TBCK: variants seen among roughly 807,000 people sequenced by gnomAD.
TBCK encodes TBC domain-containing protein kinase-like protein.
TBCK carries 99 observed loss-of-function variants against 113.4 expected under a neutral mutation model. The ratio of observed to expected loss-of-function variants is 0.87; its 90% CI spans 0.74 to 1.03. TBCK has a LOEUF of 1.03. TBCK is among the 50% of genes least tolerant of loss of function. TBCK has a pLI of 0.00. For synonymous variants in TBCK, 369 were observed against 370.8 expected, an observed-to-expected ratio of 1.00 and a Z score of 0.05; for missense variants, 1,045 against 1,061.3, an observed-to-expected ratio of 0.98 and a Z score of 0.21.
chr4:106,077,702 C>T (rs1361970208), intron 25 of TBCK, among the ~76,000 whole-genome samples: 3 of 152,072 alleles, frequency 2.0e-5, no homozygotes, highest in Admixed American at 6.6e-5. Flanking sequence ...GACAAACACA[C>T]GATAACAATG....
At chr4:106,050,329 A>G (rs1023038971) in intron 25 of TBCK, among the ~76,000 whole-genome samples, 4 of 152,024 alleles carry the variant, frequency 2.6e-5, no homozygotes, top group Non-Finnish European at 5.9e-5. Context: ...TGAACAATGC[A>G]ATTAACAAAT....
At chr4:106,100,625 A>T (rs545863659) in intron 24 of TBCK, among the ~76,000 whole-genome samples, 1 of 152,346 alleles carries the variant, frequency 6.6e-6, no homozygotes, top group South Asian at 2.1e-4. Context: ...CTGCAAGATT[A>T]TCTCTACCCT....
At chr4:106,245,405 G>C (rs1484381950) in intron 10 of TBCK, among the ~76,000 whole-genome samples, 2 of 152,160 alleles carry the variant, frequency 1.3e-5, no homozygotes, top group Non-Finnish European at 2.9e-5. Context: ...AACTGACCTG[G>C]AGAGGGGAAA....
chr4:106,176,984 G>T, intron 22 of TBCK, among the ~76,000 whole-genome samples: 1 of 149,410 alleles, frequency 6.7e-6, no homozygotes, highest in African/African-American at 2.5e-5. Flanking sequence ...TAAATACAGG[G>T]TCTCACTAAG....
intron 19 of TBCK, among the ~76,000 whole-genome samples, chr4:106,220,206 G>A (rs368712117): frequency 2.3e-4 from 35 of 152,252 alleles, no homozygotes; most frequent in African/African-American, 7.7e-4. Flanking sequence ...TGTGGTAATT[G>A]AATCATGGGA....
chr4:106,297,180 A>C (rs1265751666), intron 2 of TBCK, among the ~76,000 whole-genome samples: 1 of 152,026 alleles, frequency 6.6e-6, no homozygotes, highest in East Asian at 1.9e-4. Context: ...AAGGCTGAAA[A>C]ACTCTGAGAT....
chr4:106,046,586 G>A lies in TBCK; in HGVS notation c.2666C>T (p.Pro889Leu). The change falls in exon 26 of 26, where the codon CCA (proline) becomes CTA (leucine). Residue 889 changes from proline (P) to leucine (L), a missense_variant. Physicochemically the swap from Pro to Leu is moderately conservative, Grantham distance 98. Coordinates refer to ENST00000394708, the MANE Select transcript of TBCK (RefSeq NM_001163435.3). ...CTTGGTTCTTCATATTTGAGGAGATGGGATGGTGAGGAGGCCTGTTGGCTT... is the reference window on the plus strand; with the variant it reads ...CTTGGTTCTTCATATTTGAGGAGATAGGATGGTGAGGAGGCCTGTTGGCTT... The part of the protein sequence containing the change: ...KIKPTGLLTI[P>L]SPQI 1 of 1,599,588 alleles carries A rather than the reference G, an allele frequency of 6.3e-7. No homozygotes were observed. The highest frequency in any genetic ancestry group is 1.7e-5 in the Admixed American group (1 of 59,944).
chr4:106,180,233 T>C (rs998664067), intron 22 of TBCK, among the ~76,000 whole-genome samples: 1 of 152,010 alleles, frequency 6.6e-6, no homozygotes, highest in Non-Finnish European at 1.5e-5. Flanking sequence ...ATTAAACCTA[T>C]TTATATTCAA....
At position 106,248,288 on chromosome 4, in the gene TBCK, T is replaced by C. The variant is rs1370952172; in HGVS notation, c.739A>G (p.Ile247Val). The change falls in exon 9 of 26, where the codon ATA becomes GTA. Residue 247 changes from isoleucine to valine, a missense_variant. Physicochemically the swap from Ile to Val is conservative, Grantham distance 29 (BLOSUM62 3). Coordinates refer to ENST00000394708, the MANE Select transcript of TBCK (RefSeq NM_001163435.3). ...GTAAGGCACTTATTCAAAAGATCTATCACAGTTTCAGGAAGCTCCTGGTAA... is the reference window on the plus strand; with the variant it reads ...GTAAGGCACTTATTCAAAAGATCTACCACAGTTTCAGGAAGCTCCTGGTAA... ...DIIKELPETV[I>V]DLLNKCLTFH... 6.3e-7 allele frequency: 1 copy of C among 1,592,392 alleles called. No individual in the cohort carries two copies. The highest frequency in any genetic ancestry group is 1.7e-5 in the Admixed American group (1 of 57,338).
At position 106,171,253 on chromosome 4, in the gene TBCK, A is replaced by G; in HGVS notation, c.2077T>C (p.Cys693Arg). 3 of 1,606,146 alleles carry G rather than the reference A, an allele frequency of 1.9e-6. No homozygotes were observed. The highest frequency in any genetic ancestry group is 2.5e-6 in the Non-Finnish European group (3 of 1,177,296). Residue 693 changes from cysteine to arginine, a missense_variant, in exon 23 of 26, where the codon TGT (cysteine) becomes CGT (arginine). By Grantham distance (180) the Cys-to-Arg change is radical (BLOSUM62 -3). Coordinates refer to ENST00000394708, the MANE Select transcript of TBCK (RefSeq NM_001163435.3). ...SDLPEIDIERCVRESINLFCW... is the reference protein window; with the variant it reads ...SDLPEIDIERRVRESINLFCW... ...AACAGGTTGATAGATTCTCTCACAC[A>G]GCGTTCAATGTCAATTTCTAGATAG...
intron 9 of TBCK, 37 bp downstream of exon 9, chr4:106,248,208 G>T (rs776527639): frequency 6.3e-6 from 9 of 1,424,728 alleles, no homozygotes; most frequent in Non-Finnish European, 8.6e-6. Context: ...ATGCGTAAAG[G>T]ATCTCAATGT....
intron 25 of TBCK, among the ~76,000 whole-genome samples, chr4:106,059,073 G>A (rs1479006313): frequency 6.6e-6 from 1 of 151,760 alleles, no homozygotes; most frequent in African/African-American, 2.4e-5. Flanking sequence ...GGGTGGTTTG[G>A]AGGAAAGTGT....
At chr4:106,209,809 T>C (rs987375676) in intron 20 of TBCK, among the ~76,000 whole-genome samples, 7 of 152,134 alleles carry the variant, frequency 4.6e-5, no homozygotes, top group African/African-American at 1.4e-4. Context: ...CCAATATCTT[T>C]AAGTTTTTAT....
rs539622543 is a variant in TBCK at position 106,155,722 on chromosome 4, G to C, written c.2235+15373C>G. ...GCACTTTTTCAAGTATAGAATTCCTGCTTGTTTCTCTTTAATTATTTCAAT... is the reference window on the plus strand; with the variant it reads ...GCACTTTTTCAAGTATAGAATTCCTCCTTGTTTCTCTTTAATTATTTCAAT... On this transcript the variant is annotated intron_variant, in intron 23 of 25. Coordinates refer to ENST00000394708, the MANE Select transcript of TBCK (RefSeq NM_001163435.3). Among the ~76,000 whole-genome samples the C allele has an allele frequency of 8.7e-4, 132 of 152,014 alleles. 1 individual carries two copies. The highest frequency in any genetic ancestry group is 1.3e-3 in the Non-Finnish European group (85 of 67,974).
At chr4:106,080,407 T>C (rs1421359067) in intron 25 of TBCK, among the ~76,000 whole-genome samples, 1 of 152,092 alleles carries the variant, frequency 6.6e-6, no homozygotes, top group Non-Finnish European at 1.5e-5. Flanking sequence ...CAAAGTCAAC[T>C]ATAATACATA....
intron 25 of TBCK, among the ~76,000 whole-genome samples, chr4:106,060,653 T>G (rs1246989030): frequency 1.3e-5 from 2 of 151,818 alleles, no homozygotes; most frequent in Non-Finnish European, 1.5e-5. Context: ...TTGCAATCCA[T>G]GGATGAAGGA....
At chr4:106,238,661 A>T (rs1036019346) in intron 12 of TBCK, 1 of 152,158 alleles carries the variant, frequency 6.6e-6, no homozygotes, top group African/African-American at 2.4e-5. Context: ...TTCTTATACA[A>T]AATATAAACA....
At chr4:106,188,727 T>C (rs1753319258) in intron 22 of TBCK, among the ~76,000 whole-genome samples, 1 of 152,210 alleles carries the variant, frequency 6.6e-6, no homozygotes, top group South Asian at 2.1e-4. Flanking sequence ...AACATTATTT[T>C]TCATTACAGT....
intron 2 of TBCK, among the ~76,000 whole-genome samples, chr4:106,306,709 T>C (rs940205146): frequency 6.6e-6 from 1 of 152,170 alleles, no homozygotes. Context: ...AGCACCTTTA[T>C]TACTTTTGCT....
Sources: gnomAD v4.1 joint callset for allele counts (sites outside exome capture counted in the v4.1 genomes callset) on GRCh38, gnomAD v4.1.1 for gene constraint, MANE v1.5 for transcripts, NCBI Gene and HGNC (gene_info 2026-07-23, HGNC 2026-07-21) for gene names.